CHMP4C: variants seen among roughly 807,000 people sequenced by gnomAD.
CHMP4C encodes the protein SNF7 homolog associated with Alix 3.
In CHMP4C, 28 loss-of-function variants were observed where a neutral mutation model predicts 29.0. The observed-to-expected ratio is 0.97, with a 90% CI of 0.72 to 1.32. The LOEUF (loss-of-function observed/expected upper bound fraction) is 1.32, where lower values mean the gene tolerates loss of function less well. Ranked by LOEUF, CHMP4C falls within the 40% of genes most tolerant of loss-of-function variation. The probability of loss-of-function intolerance (pLI) is 0.00; values close to 1 mark genes in which losing one functional copy is unlikely to be tolerated. For synonymous variants in CHMP4C, 106 were observed against 102.4 expected (o/e 1.04, Z -0.21); for missense variants, 291 against 281.0 (o/e 1.04, Z -0.25).
chr8:81,755,783 G>A (rs1435246548), intron 3 of CHMP4C, among the ~76,000 whole-genome samples: 2 of 152,162 alleles, frequency 1.3e-5, no homozygotes, highest in Non-Finnish European at 2.9e-5. Flanking sequence ...GAGGAACTGA[G>A]TGCTTGCACA....
intron 3 of CHMP4C, 133 bp from the exon 4 acceptor site, chr8:81,758,009 G>A: frequency 1.2e-6 from 1 of 827,320 alleles, no homozygotes; most frequent in East Asian, 2.5e-5. Context: ...AAAAGACTTA[G>A]TTTTAAAATA....
At chr8:81,740,682 A>G (rs937039363) in intron 1 of CHMP4C, among the ~76,000 whole-genome samples, 5 of 152,202 alleles carry the variant, frequency 3.3e-5, no homozygotes, top group Non-Finnish European at 4.4e-5. Flanking sequence ...CAATGCCCTC[A>G]ATATTCCTTC....
At chr8:81,737,831 T>C (rs995379820) in intron 1 of CHMP4C, among the ~76,000 whole-genome samples, 1 of 152,242 alleles carries the variant, frequency 6.6e-6, no homozygotes, top group Admixed American at 6.5e-5. Context: ...TATAAACTAA[T>C]TACATTTTAA....
chr8:81,734,008 A>T (rs541169895), intron 1 of CHMP4C, among the ~76,000 whole-genome samples: 1 of 152,318 alleles, frequency 6.6e-6, no homozygotes, highest in Admixed American at 6.5e-5. Context: ...ATGCCCACTT[A>T]CCACCAACAA....
intron 2 of CHMP4C, 147 bp from the exon 3 acceptor site, chr8:81,755,223 A>C (rs552573712): frequency 2.5e-6 from 1 of 401,134 alleles, no homozygotes; most frequent in South Asian, 7.0e-5. Context: ...GTTATCTTTA[A>C]AGTTTATAAA....
intron 1 of CHMP4C, among the ~76,000 whole-genome samples, chr8:81,736,906 C>T (rs1421269864): frequency 6.6e-6 from 1 of 152,200 alleles, no homozygotes; most frequent in Non-Finnish European, 1.5e-5. Context: ...GTAGCTACTT[C>T]TCCTCCCTTC....
intron 1 of CHMP4C, among the ~76,000 whole-genome samples, chr8:81,744,518 C>T (rs1808799859): frequency 6.6e-6 from 1 of 152,116 alleles, no homozygotes; most frequent in African/African-American, 2.4e-5. Flanking sequence ...CCGAGTAAGG[C>T]CTGTTGAACA....
chr8:81,732,874 G>T, intron 1 of CHMP4C, 58 bp downstream of exon 1: 1 of 1,521,518 alleles, frequency 6.6e-7, no homozygotes, highest in Non-Finnish European at 8.9e-7. Context: ...TTTCCCTTGG[G>T]GACAATCGGC....
At chr8:81,732,949 G>T (rs926834579) in intron 1 of CHMP4C, 133 bp downstream of exon 1, 5 of 774,310 alleles carry the variant, frequency 6.5e-6, no homozygotes, top group Non-Finnish European at 8.2e-6. Flanking sequence ...AACTGGTACT[G>T]ACTCTTAGGG....
intron 1 of CHMP4C, among the ~76,000 whole-genome samples, chr8:81,745,237 T>C (rs1044922502): frequency 3.9e-5 from 6 of 152,210 alleles, no homozygotes; most frequent in African/African-American, 1.4e-4. Context: ...ATGTGTGACA[T>C]GTCTCTTAAG....
chr8:81,744,181 G>A (rs1008242425), intron 1 of CHMP4C, among the ~76,000 whole-genome samples: 10 of 152,134 alleles, frequency 6.6e-5, no homozygotes, highest in Non-Finnish European at 1.0e-4. Context: ...AAAATATGGA[G>A]GTTACATATA....
chr8:81,753,128 A>G lies in CHMP4C; in HGVS notation c.255A>G (p.Thr85=). The G allele has an allele frequency of 6.2e-7, 1 of 1,612,786 alleles. No homozygotes were observed. The change falls in exon 2 of 5, where the codon ACA becomes ACG. Residue 85 remains threonine (T), a synonymous_variant. Transcript: ENST00000297265. ...AACAGCTCACTCAGATTGATGGCAC[A>G]CTTTCTACCATTGAGTTCCAGAGAG... ...FEKQLTQIDG[T]LSTIEFQREA...
intron 1 of CHMP4C, among the ~76,000 whole-genome samples, chr8:81,748,192 G>A (rs1585945061): frequency 6.6e-6 from 1 of 152,188 alleles, no homozygotes; most frequent in Non-Finnish European, 1.5e-5. Flanking sequence ...AGAGTTTAAG[G>A]TTATCTCTCT....
chr8:81,739,306 A>G (rs1478766115), intron 1 of CHMP4C, among the ~76,000 whole-genome samples: 2 of 148,486 alleles, frequency 1.3e-5, no homozygotes, highest in African/African-American at 5.0e-5. Flanking sequence ...ACCCTGTGTC[A>G]GACTTATCCA....
At chr8:81,736,456 T>C (rs1182106152) in intron 1 of CHMP4C, among the ~76,000 whole-genome samples, 1 of 152,088 alleles carries the variant, frequency 6.6e-6, no homozygotes. Context: ...CTGGCCTAAT[T>C]GGTGAAATTC....
rs748559807 is a variant in CHMP4C, at chr8:81,758,280, C to T, written c.622C>T (p.Arg208Cys). 8.9e-5 allele frequency: 143 copies of T among 1,613,886 alleles called. No individual in the cohort carries two copies. The highest frequency in any genetic ancestry group is 1.6e-4 in the Middle Eastern group (1 of 6,080). ...NRKPGMSSTA[R>C]RSRAASSQRA... Reference sequence around the variant, plus strand: ...AAAACCAGGCATGTCGTCCACTGCACGTCGATCCCGAGCAGGTCTGTTACC... The same window carrying T: ...AAAACCAGGCATGTCGTCCACTGCATGTCGATCCCGAGCAGGTCTGTTACC... The change falls in exon 4 of 5, where the codon CGT (arginine) becomes TGT (cysteine). Residue 208 changes from arginine (R) to cysteine (C), a missense_variant. Arg to Cys is a radical substitution (Grantham distance 180, BLOSUM62 -3). Coordinates refer to ENST00000297265, the MANE Select transcript of CHMP4C (RefSeq NM_152284.4).
intron 1 of CHMP4C, among the ~76,000 whole-genome samples, chr8:81,742,519 G>A (rs1189319542): frequency 6.6e-6 from 1 of 152,152 alleles, no homozygotes; most frequent in Non-Finnish European, 1.5e-5. Context: ...CATTTAAGAA[G>A]TACTTTGGAC....
At chr8:81,749,301 T>C (rs569402683) in intron 1 of CHMP4C, among the ~76,000 whole-genome samples, 3 of 152,336 alleles carry the variant, frequency 2.0e-5, no homozygotes, top group South Asian at 2.1e-4. Context: ...TATCTACTCT[T>C]GGGATTCTTG....
intron 1 of CHMP4C, among the ~76,000 whole-genome samples, chr8:81,751,235 A>G (rs1236742136): frequency 1.3e-5 from 2 of 151,606 alleles, no homozygotes. Context: ...AAAGAGGACA[A>G]TATAGAATAC....
Sources: gnomAD v4.1 joint callset for allele counts (sites outside exome capture counted in the v4.1 genomes callset) on GRCh38, gnomAD v4.1.1 for gene constraint, MANE v1.5 for transcripts, NCBI Gene and HGNC (gene_info 2026-07-23, HGNC 2026-07-21) for gene names.